WDPCP: variants seen among roughly 807,000 people sequenced by gnomAD.
WDPCP encodes the protein WD repeat-containing and planar cell polarity effector protein fritz homolog.
In WDPCP, 71 loss-of-function variants were observed where a neutral mutation model predicts 93.1. The observed-to-expected ratio is 0.76, with a 90% confidence interval of 0.63 to 0.93. The LOEUF is 0.93. WDPCP is among the 40% of genes least tolerant of loss of function. The pLI is 0.00. For missense variants in WDPCP, 844 were observed against 887.4 expected (o/e 0.95, Z 0.62); for synonymous variants, 315 against 315.0 (o/e 1.00, Z 0.00).
intron 14 of WDPCP, among the ~76,000 whole-genome samples, chr2:63,190,176 C>G (rs544675948): frequency 6.6e-5 from 10 of 152,032 alleles, no homozygotes; most frequent in East Asian, 5.8e-4. Flanking sequence ...GCCCATAATC[C>G]CAGCAGTTTG....
intron 2 of WDPCP, among the ~76,000 whole-genome samples, chr2:63,722,536 G>A (rs1246927927): frequency 1.8e-5 from 2 of 112,994 alleles, no homozygotes; most frequent in Non-Finnish European, 4.1e-5. Context: ...CGCCCGGCCA[G>A]CCGCCCCATC....
intron 15 of WDPCP, among the ~76,000 whole-genome samples, chr2:63,159,819 T>C (rs1308326371): frequency 1.3e-5 from 2 of 151,790 alleles, no homozygotes; most frequent in Non-Finnish European, 2.9e-5. Context: ...AAGTCTTTTA[T>C]ATACTGGTTA....
intron 17 of WDPCP, among the ~76,000 whole-genome samples, chr2:63,150,958 A>G (rs1671848730): frequency 1.3e-5 from 2 of 152,256 alleles, no homozygotes; most frequent in Non-Finnish European, 2.9e-5. Flanking sequence ...ATTTCTAAAC[A>G]AGAAACCAGA....
intron 6 of WDPCP, among the ~76,000 whole-genome samples, chr2:63,454,533 A>G (rs1428278042): frequency 6.6e-6 from 1 of 152,136 alleles, no homozygotes; most frequent in Non-Finnish European, 1.5e-5. Flanking sequence ...AAATAAAAAA[A>G]TAAAGAATGA....
chr2:63,323,204 C>A (rs1272681484), intron 12 of WDPCP, among the ~76,000 whole-genome samples: 1 of 152,170 alleles, frequency 6.6e-6, no homozygotes, highest in East Asian at 1.9e-4. Flanking sequence ...CTGACCATTG[C>A]CCCCTGGGTC....
chr2:63,490,403 T>C (rs1183050423), intron 2 of WDPCP, among the ~76,000 whole-genome samples: 1 of 152,190 alleles, frequency 6.6e-6, no homozygotes, highest in African/African-American at 2.4e-5. Flanking sequence ...AAAAATTCTC[T>C]GTACTGACAA....
At chr2:63,155,888 G>C (rs1672209204) in intron 15 of WDPCP, among the ~76,000 whole-genome samples, 1 of 152,098 alleles carries the variant, frequency 6.6e-6, no homozygotes, top group African/African-American at 2.4e-5. Flanking sequence ...ATCCTTCTGG[G>C]ATTTTGATCA....
At chr2:63,583,476 G>A (rs1377203827) in intron 1 of WDPCP, among the ~76,000 whole-genome samples, 1 of 152,120 alleles carries the variant, frequency 6.6e-6, no homozygotes, top group African/African-American at 2.4e-5. Context: ...GAAGTCAAGA[G>A]ATCGAGATCA....
At chr2:63,351,423 G>C (rs929890453) in intron 12 of WDPCP, among the ~76,000 whole-genome samples, 1 of 151,944 alleles carries the variant, frequency 6.6e-6, no homozygotes, top group African/African-American at 2.4e-5. Context: ...CCAATGACCT[G>C]TCCTTTCCTC....
At chr2:63,476,742 A>T (rs979923302) in intron 6 of WDPCP, among the ~76,000 whole-genome samples, 1 of 152,202 alleles carries the variant, frequency 6.6e-6, no homozygotes, top group African/African-American at 2.4e-5. Context: ...ACTTGAAAAC[A>T]TGGTATGTCT....
chr2:63,823,849 C>G (rs1171382899), intron 1 of WDPCP, among the ~76,000 whole-genome samples: 7 of 152,048 alleles, frequency 4.6e-5, no homozygotes, highest in African/African-American at 1.7e-4. Flanking sequence ...TATATTTGGT[C>G]AAAAATGATA....
intron 1 of WDPCP, among the ~76,000 whole-genome samples, chr2:63,822,212 A>ATAT (rs1671035731): frequency 2.0e-5 from 3 of 152,102 alleles, no homozygotes; most frequent in African/African-American, 7.2e-5. Flanking sequence ...TTTGAGACTA[A>ATAT]TATTGAGTCA....
At chr2:63,817,149 A>G (rs1670943707) in intron 1 of WDPCP, among the ~76,000 whole-genome samples, 1 of 150,366 alleles carries the variant, frequency 6.7e-6, no homozygotes, top group Non-Finnish European at 1.5e-5. Flanking sequence ...TCGCTCTGTC[A>G]CCCAGGCTGA....
chr2:63,437,840 T>C (rs1418964426), intron 7 of WDPCP: 1 of 1,597,296 alleles, frequency 6.3e-7, no homozygotes, highest in South Asian at 1.1e-5. Context: ...TATAAAGGTA[T>C]TTTTAAAAAA....
At chr2:63,174,540 T>A in intron 15 of WDPCP, 130 bp downstream of exon 15, 2 of 1,177,252 alleles carry the variant, frequency 1.7e-6, no homozygotes, top group Non-Finnish European at 2.5e-6. Context: ...TACTGCAAAG[T>A]CTGAGCCATG....
intron 3 of WDPCP, chr2:63,622,603 A>C: frequency 1.2e-6 from 2 of 1,613,826 alleles, no homozygotes; most frequent in South Asian, 1.1e-5. Flanking sequence ...ATGTACACCG[A>C]GTGAGCAACA....
At chr2:63,600,345 C>T (rs1164711272) in intron 3 of WDPCP, among the ~76,000 whole-genome samples, 1 of 151,958 alleles carries the variant, frequency 6.6e-6, no homozygotes, top group Non-Finnish European at 1.5e-5. Flanking sequence ...AAACTGAGGC[C>T]CAGGGAAGTC....
At chr2:63,556,564 T>A (rs1363789402) in intron 1 of WDPCP, among the ~76,000 whole-genome samples, 2 of 152,202 alleles carry the variant, frequency 1.3e-5, no homozygotes, top group Non-Finnish European at 2.9e-5. Flanking sequence ...CCTATTTCTG[T>A]CAATTCATTC....
chr2:63,536,583 C>A (rs1318611872), intron 1 of WDPCP, among the ~76,000 whole-genome samples: 1 of 151,930 alleles, frequency 6.6e-6, no homozygotes, highest in African/African-American at 2.4e-5. Context: ...AGCTGGAAAC[C>A]ATCATTCTGA....
Sources: gnomAD v4.1 joint callset for allele counts (sites outside exome capture counted in the v4.1 genomes callset) on GRCh38, gnomAD v4.1.1 for gene constraint, MANE v1.5 for transcripts, NCBI Gene and HGNC (gene_info 2026-07-23, HGNC 2026-07-21) for gene names.